Variants in SRGAP3 observed in about 807,000 individuals in gnomAD.
SRGAP3 encodes SLIT-ROBO Rho GTPase activating protein 3, also known as SLIT-ROBO Rho GTPase-activating protein 3.
A neutral mutation model predicts 121.1 loss-of-function variants in SRGAP3; 39 were observed. The observed-to-expected ratio is 0.32, with a 90% CI of 0.25 to 0.42. The LOEUF (loss-of-function observed/expected upper bound fraction) is 0.42, where lower values mean the gene tolerates loss of function less well. Among genes scored for constraint, SRGAP3 ranks in the 10% least tolerant of loss-of-function variants. The pLI is 1.00. For missense variants in SRGAP3, 1,213 were observed against 1,470.6 expected, an observed-to-expected ratio of 0.82 and a Z score of 2.86; for synonymous variants, 601 against 570.0, an observed-to-expected ratio of 1.05 and a Z score of -0.77.
At position 8,981,924 on chromosome 3, in the gene SRGAP3, G is replaced by A. The variant is rs1177657181; in HGVS notation, c.*3595C>T. ...TTCCCTCCGATTGTGCACTCTGTCC[G>A]GGGTTCAAAAGGCGCTTCGAGGTGA... On this transcript the variant is annotated 3_prime_UTR_variant, in exon 22 of 22. Transcript: ENST00000383836. 2 of 227,218 alleles carry A rather than the reference G, an allele frequency of 8.8e-6. No homozygotes were observed. The highest frequency in any genetic ancestry group is 6.3e-5 in the East Asian group (1 of 15,808). 14.1% of individuals were successfully genotyped at this position (227,218 alleles called of 1,614,324 possible).
At chr3:9,280,578 A>G (rs7641438) in intron 3 of SRGAP3, among the ~76,000 whole-genome samples, 21,858 of 152,218 alleles carry the variant, frequency 0.14, 1,872 homozygotes, top group South Asian at 0.19. Flanking sequence ...GACAATCTGC[A>G]TTTCCATCCA....
chr3:9,031,800 G>A (rs369365694), intron 12 of SRGAP3, among the ~76,000 whole-genome samples: 6 of 152,348 alleles, frequency 3.9e-5, no homozygotes, highest in East Asian at 1.9e-4. Flanking sequence ...CTTCTCTGAA[G>A]AAAGTGTCTT....
chr3:9,158,138 G>C (rs1950483439), intron 1 of SRGAP3, among the ~76,000 whole-genome samples: 1 of 152,216 alleles, frequency 6.6e-6, no homozygotes, highest in African/African-American at 2.4e-5. Flanking sequence ...AAAGAGCAAA[G>C]CTGCTTCCTA....
At chr3:9,312,544 A>T (rs905853040) in intron 3 of SRGAP3, among the ~76,000 whole-genome samples, 2 of 152,234 alleles carry the variant, frequency 1.3e-5, no homozygotes, top group Non-Finnish European at 2.9e-5. Flanking sequence ...TTCATTCAAC[A>T]AGCTCAAAGA....
chr3:9,247,829 C>G (rs925636664), intron 1 of SRGAP3, among the ~76,000 whole-genome samples: 1 of 152,220 alleles, frequency 6.6e-6, no homozygotes, highest in African/African-American at 2.4e-5. Context: ...CCAAGAGGCA[C>G]GAGCCCAGGC....
chr3:9,261,961 A>T (rs978815121), intron 3 of SRGAP3, among the ~76,000 whole-genome samples: 3 of 152,094 alleles, frequency 2.0e-5, no homozygotes, highest in African/African-American at 7.2e-5. Flanking sequence ...AGCCAGAGAG[A>T]AAGGTCGGGT....
intron 12 of SRGAP3, among the ~76,000 whole-genome samples, chr3:9,031,498 G>A (rs1944479467): frequency 1.3e-5 from 2 of 152,030 alleles, no homozygotes; most frequent in Non-Finnish European, 2.9e-5. Flanking sequence ...TTCGACCCTG[G>A]GCAGTCCCAA....
chr3:9,221,268 T>G (rs935302827), intron 1 of SRGAP3, among the ~76,000 whole-genome samples: 1 of 152,244 alleles, frequency 6.6e-6, no homozygotes, highest in Non-Finnish European at 1.5e-5. Context: ...GGCATGCTCA[T>G]GCTTGTCATT....
intron 3 of SRGAP3, among the ~76,000 whole-genome samples, chr3:9,272,549 T>C (rs1954497436): frequency 6.6e-6 from 1 of 152,220 alleles, no homozygotes; most frequent in African/African-American, 2.4e-5. Flanking sequence ...ACAATGTTCA[T>C]AAGGTTCATC....
chr3:9,035,539 G>C (rs1944705746), intron 11 of SRGAP3: 1 of 184,056 alleles, frequency 5.4e-6, no homozygotes, highest in African/African-American at 2.4e-5. Flanking sequence ...GGGAGCAGGG[G>C]GGCAGCTCGG....
chr3:9,196,253 A>C (rs1213381656), intron 1 of SRGAP3, among the ~76,000 whole-genome samples: 1 of 152,216 alleles, frequency 6.6e-6, no homozygotes, highest in Non-Finnish European at 1.5e-5. Context: ...GGGACCACCC[A>C]TTAAGGACTG....
chr3:9,248,487 C>A (rs1236294448), intron 1 of SRGAP3, among the ~76,000 whole-genome samples: 1 of 152,076 alleles, frequency 6.6e-6, no homozygotes, highest in African/African-American at 2.4e-5. Context: ...AAAAAAAGAG[C>A]AGATGGTAAA....
At chr3:9,241,337 G>A (rs1341720389) in intron 1 of SRGAP3, among the ~76,000 whole-genome samples, 1 of 152,158 alleles carries the variant, frequency 6.6e-6, no homozygotes. Context: ...GGAGTTTCTG[G>A]AAAGGAAATG....
chr3:9,070,856 T>C (rs952885682), intron 4 of SRGAP3, among the ~76,000 whole-genome samples: 1 of 152,136 alleles, frequency 6.6e-6, no homozygotes, highest in Non-Finnish European at 1.5e-5. Flanking sequence ...GCCGCCCTCA[T>C]AGGATCCAAA....
chr3:9,176,773 C>T (rs560249582), intron 1 of SRGAP3, among the ~76,000 whole-genome samples: 1 of 152,296 alleles, frequency 6.6e-6, no homozygotes, highest in South Asian at 2.1e-4. Context: ...CTCTCAAGAA[C>T]TCACTCACTC....
intron 1 of SRGAP3, among the ~76,000 whole-genome samples, chr3:9,163,620 G>A (rs911051451): frequency 6.6e-6 from 1 of 152,188 alleles, no homozygotes; most frequent in African/African-American, 2.4e-5. Context: ...ACAGGAAAAA[G>A]GTGGCAGACC....
intron 1 of SRGAP3, among the ~76,000 whole-genome samples, chr3:9,187,429 T>C (rs974864431): frequency 2.0e-5 from 3 of 152,128 alleles, no homozygotes; most frequent in African/African-American, 4.8e-5. Flanking sequence ...GACGCTGTGC[T>C]GAGTGCTCCA....
At chr3:9,187,785 G>A (rs1030297515) in intron 1 of SRGAP3, among the ~76,000 whole-genome samples, 4 of 152,132 alleles carry the variant, frequency 2.6e-5, no homozygotes, top group South Asian at 2.1e-4. Context: ...CCGAACGCTC[G>A]CTCACTGGAT....
chr3:9,217,812 C>T (rs1428244824), intron 1 of SRGAP3: 1 of 152,112 alleles, frequency 6.6e-6, no homozygotes, highest in African/African-American at 2.4e-5. Context: ...GACCTGTGGC[C>T]TTTGGACCTC....
Sources: gnomAD v4.1 joint callset for allele counts (sites outside exome capture counted in the v4.1 genomes callset) on GRCh38, gnomAD v4.1.1 for gene constraint, MANE v1.5 for transcripts, NCBI Gene and HGNC (gene_info 2026-07-23, HGNC 2026-07-21) for gene names.